Variants in SSBP3 observed in about 807,000 individuals in gnomAD.
The protein encoded by SSBP3 is single-stranded DNA-binding protein 3.
Under a neutral mutation model 69.6 loss-of-function variants are expected in SSBP3, and 5 were observed. The observed-to-expected ratio is 0.07, with a 90% confidence interval of 0.04 to 0.15. The LOEUF is 0.15. Among genes scored for constraint, SSBP3 ranks in the 10% least tolerant of loss-of-function variants. SSBP3 has a pLI of 1.00. For missense variants in SSBP3, 312 were observed against 534.0 expected, an observed-to-expected ratio of 0.58 and a Z score of 4.10; for synonymous variants, 196 against 193.4, an observed-to-expected ratio of 1.01 and a Z score of -0.11.
chr1:54,402,315 C>T (rs143468677), intron 3 of SSBP3, among the ~76,000 whole-genome samples: 2 of 152,278 alleles, frequency 1.3e-5, no homozygotes, highest in East Asian at 1.9e-4. Context: ...GGAGGATGAA[C>T]GCAAATGTGG....
chr1:54,273,013 G>T (rs1397658470), intron 5 of SSBP3, among the ~76,000 whole-genome samples: 5 of 152,212 alleles, frequency 3.3e-5, no homozygotes, highest in African/African-American at 4.8e-5. Context: ...GAAGAGAGGA[G>T]TGAGAGTCCC....
At chr1:54,346,945 T>C (rs1445849214) in intron 4 of SSBP3, among the ~76,000 whole-genome samples, 1 of 152,094 alleles carries the variant, frequency 6.6e-6, no homozygotes, top group Non-Finnish European at 1.5e-5. Context: ...TTACATAAAA[T>C]GGCAGAGTGC....
Sources: gnomAD v4.1 joint callset for allele counts (sites outside exome capture counted in the v4.1 genomes callset) on GRCh38, gnomAD v4.1.1 for gene constraint, MANE v1.5 for transcripts, NCBI Gene and HGNC (gene_info 2026-07-23, HGNC 2026-07-21) for gene names.